The following ZBTB11 variants were observed in gnomAD, a reference collection of about 807,000 sequenced individuals.
ZBTB11 encodes the protein zinc finger and BTB domain-containing protein 11.
In ZBTB11, 68 loss-of-function variants were observed where a neutral mutation model predicts 113.1. The observed-to-expected ratio is 0.60, with a 90% confidence interval of 0.49 to 0.74. The LOEUF is 0.74. Among genes scored for constraint, ZBTB11 ranks in the 30% least tolerant of loss-of-function variants. The pLI is 0.00. For synonymous variants in ZBTB11, 518 were observed against 452.6 expected, an observed-to-expected ratio of 1.14 and a Z score of -1.83; for missense variants, 1,104 against 1,279.4, an observed-to-expected ratio of 0.86 and a Z score of 2.09.
chr3:101,674,688 C>G (rs1239861109), intron 1 of ZBTB11, among the ~76,000 whole-genome samples: 1 of 150,342 alleles, frequency 6.7e-6, no homozygotes, highest in Non-Finnish European at 1.5e-5. Flanking sequence ...AACAGAGTGA[C>G]TCTGTCTCAA....
At chr3:101,671,884 C>G (rs773794138) in intron 2 of ZBTB11, 94 bp downstream of exon 2, 5 of 907,740 alleles carry the variant, frequency 5.5e-6, no homozygotes, top group Non-Finnish European at 9.2e-6. Flanking sequence ...ATTCAATAAG[C>G]AGTCTTAGTG....
chr3:101,676,860 C>G lies in ZBTB11; in HGVS notation c.55G>C (p.Glu19Gln), dbSNP rs1376632480. 2 of 1,608,942 alleles carry G rather than the reference C, an allele frequency of 1.2e-6. No individual in the cohort carries two copies. The highest frequency in any genetic ancestry group is 8.5e-7 in the Non-Finnish European group (1 of 1,177,822). ...CCCTCGGTGCCCGGCGCATACGGCT[C>G]GCGCTCGTTCGTCAGGTAACGCAGG... Reference protein sequence around the residue: ...AILRYLTNEREPYAPGTEGNV... With the variant: ...AILRYLTNERQPYAPGTEGNV... The change falls in exon 1 of 11, where the codon GAG (glutamate) becomes CAG (glutamine). Residue 19 changes from glutamate to glutamine, a missense_variant. By Grantham distance (29) the Glu-to-Gln change is conservative. Coordinates refer to ENST00000312938, the MANE Select transcript of ZBTB11 (RefSeq NM_014415.4).
At chr3:101,664,897 A>C (rs1469761170) in intron 4 of ZBTB11, 67 bp downstream of exon 4, 4 of 1,536,744 alleles carry the variant, frequency 2.6e-6, no homozygotes, top group Non-Finnish European at 2.6e-6. Flanking sequence ...TATAGCCATA[A>C]GTTCATCAAT....
Position 101,677,034 on chromosome 3 carries a change from G to A in ZBTB11, c.-120C>T. 3.4e-6 allele frequency: 4 copies of A among 1,184,584 alleles called. No homozygotes were observed. The highest frequency in any genetic ancestry group is 3.2e-5 in the South Asian group (2 of 62,314). 73.4% of individuals were successfully genotyped at this position (1,184,584 alleles called of 1,614,324 possible). ...AGGGAGAAACGGCTGCGCCTTTGGC[G>A]AGCGCTCTTCGACGGCTCCCTTAGT... On this transcript the variant is annotated 5_prime_UTR_variant, in exon 1 of 11. Transcript: ENST00000312938.
At chr3:101,664,907 T>C in intron 4 of ZBTB11, 57 bp downstream of exon 4, 2 of 1,551,488 alleles carry the variant, frequency 1.3e-6, no homozygotes, top group South Asian at 1.3e-5. Flanking sequence ...AGTTCATCAA[T>C]ACAATGCTTT....
At position 101,677,014 on chromosome 3, in the gene ZBTB11, G is replaced by T; in HGVS notation, c.-100C>A. Reference sequence around the variant, plus strand: ...AGGAGGAGCGGCGGCACCGTAGGGAGAAACGGCTGCGCCTTTGGCGAGCGC... The same window carrying T: ...AGGAGGAGCGGCGGCACCGTAGGGATAAACGGCTGCGCCTTTGGCGAGCGC... On this transcript the variant is annotated 5_prime_UTR_variant, in exon 1 of 11. Coordinates refer to ENST00000312938, the MANE Select transcript of ZBTB11 (RefSeq NM_014415.4). 1 of 1,333,908 alleles carries T rather than the reference G, an allele frequency of 7.5e-7. No individual in the cohort carries two copies. The highest frequency in any genetic ancestry group is 1.0e-6 in the Non-Finnish European group (1 of 998,872). 82.6% of individuals were successfully genotyped at this position (1,333,908 alleles called of 1,614,324 possible). A position where few individuals can be genotyped will look rare whatever the true frequency, so the allele number is the denominator to read the frequency against.
In ZBTB11 at chr3:101,676,807, A is replaced by G. The variant is rs1468875105; in HGVS notation, c.108T>C (p.Ala36=). The G allele has an allele frequency of 1.2e-6, 2 of 1,612,364 alleles. No individual in the cohort carries two copies. Among genetic ancestry groups the G allele is most frequent in the Non-Finnish European group, 1.7e-6 (2 of 1,179,652 alleles). The change falls in exon 1 of 11, where the codon GCT becomes GCC. Residue 36 remains alanine, a synonymous_variant. Coordinates refer to ENST00000312938, the MANE Select transcript of ZBTB11 (RefSeq NM_014415.4). ...CGCCGCGCACCACGTAGCAGGCGGC[A>G]GCTTTTCGGATTTTACGCTTGACAT... ...EGNVKRKIRK[A]AACYVVRGGT...
chr3:101,655,097 C>T (rs933388378), intron 7 of ZBTB11, among the ~76,000 whole-genome samples: 4 of 152,066 alleles, frequency 2.6e-5, no homozygotes, highest in East Asian at 1.9e-4. Context: ...AGGAGCGTCT[C>T]GATGTCATGA....
At position 101,651,341 on chromosome 3, in the gene ZBTB11, A is replaced by C; in HGVS notation, c.2987T>G (p.Leu996Arg). 1 of 1,614,084 alleles carries C rather than the reference A, an allele frequency of 6.2e-7. No individual in the cohort carries two copies. The highest frequency in any genetic ancestry group is 1.1e-5 in the South Asian group (1 of 91,046). The change falls in exon 11 of 11, where the codon CTG becomes CGG. Residue 996 changes from leucine (L) to arginine (R), a missense_variant. Physicochemically the swap from Leu to Arg is moderately radical, Grantham distance 102. Around this residue, in one of 5 missense-constraint regions of ZBTB11, gnomAD observed 90 missense variants for 98.0 expected, o/e 0.92. Coordinates refer to ENST00000312938, the MANE Select transcript of ZBTB11 (RefSeq NM_014415.4). ...CTCTTCAGTAGCTGCAACAGCTTCC[A>C]GAGCTTCCATAGTTTCTCCTGTCAC... is the stretch of plus-strand genomic sequence containing the variant. Reference protein sequence around the residue: ...VVVTGETMEALEAVAATEEYP... With the variant: ...VVVTGETMEAREAVAATEEYP...
chr3:101,671,823 A>C, intron 2 of ZBTB11, 155 bp downstream of exon 2: 1 of 635,098 alleles, frequency 1.6e-6, no homozygotes. Flanking sequence ...ATTTATGATA[A>C]ATGAAGAGGC....
chr3:101,656,808 T>C (rs978458858), intron 6 of ZBTB11, among the ~76,000 whole-genome samples: 8 of 152,076 alleles, frequency 5.3e-5, no homozygotes, highest in Admixed American at 2.0e-4. Context: ...TAGTGCCACA[T>C]GGGAAGACCA....
At chr3:101,657,348 T>C (rs1936816653) in intron 6 of ZBTB11, among the ~76,000 whole-genome samples, 1 of 149,390 alleles carries the variant, frequency 6.7e-6, no homozygotes, top group Admixed American at 6.7e-5. Context: ...TCTACTAAAA[T>C]ACAAAAAATT....
rs201663165 is a variant in ZBTB11, at chr3:101,665,037, T to C, written c.1550A>G (p.Tyr517Cys). Reference sequence around the variant, plus strand: ...CTCCATTCCCTTGTGTAGTCGAATATATGCCCCTTCATTAACAGAACGTTG... The same window carrying C: ...CTCCATTCCCTTGTGTAGTCGAATACATGCCCCTTCATTAACAGAACGTTG... ...LRQRSVNEGA[Y>C]IRLHKGMEKK... The change falls in exon 4 of 11, where the codon TAT becomes TGT. Residue 517 changes from tyrosine to cysteine, a missense_variant. Around this residue, in one of 5 missense-constraint regions of ZBTB11, gnomAD observed 535 missense variants for 518.6 expected, o/e 1.03. Transcript: ENST00000312938. 6 of 1,614,236 alleles carry C rather than the reference T, an allele frequency of 3.7e-6. No individual in the cohort carries two copies. The highest frequency in any genetic ancestry group is 1.7e-5 in the Admixed American group (1 of 60,030).
intron 2 of ZBTB11, chr3:101,671,590 C>T (rs2108327500): frequency 1.7e-6 from 1 of 583,030 alleles, no homozygotes; most frequent in Non-Finnish European, 3.0e-6. Context: ...CTGGCTGCCT[C>T]TTCTTACTAA....
In ZBTB11 at chr3:101,659,952, G is replaced by A. The variant is rs372525047; in HGVS notation, c.1877C>T (p.Ser626Phe). The change falls in exon 6 of 11, where the codon TCT becomes TTT. Residue 626 changes from serine to phenylalanine, a missense_variant. This residue lies in a region of ZBTB11 where 535 missense variants were observed against 518.6 expected (regional missense o/e 1.03). Coordinates refer to ENST00000312938, the MANE Select transcript of ZBTB11 (RefSeq NM_014415.4). ...LIRHTRKDAP[S>F]SSSSNSTSNE... ...AGACGTGGAATTGGACGAGGATGAA[G>A]AGGGTGCATCTTTTCTGGTATGACG... 6.2e-7 allele frequency: 1 copy of A among 1,614,212 alleles called. No individual in the cohort carries two copies. The highest frequency in any genetic ancestry group is 1.1e-5 in the South Asian group (1 of 91,084).
Position 101,652,664 on chromosome 3 carries a change from T to A in ZBTB11, c.2476A>T (p.Ile826Leu). ...HSVTEPYRCN[I>L]CGKEFYEKAL... Reference sequence around the variant, plus strand: ...TTTTCATAAAATTCTTTGCCACATATATTACACCTAAAATAGGGGAAAAGA... The same window carrying A: ...TTTTCATAAAATTCTTTGCCACATAAATTACACCTAAAATAGGGGAAAAGA... The change falls in exon 10 of 11, where the codon ATA becomes TTA. Residue 826 changes from isoleucine (I) to leucine (L), a missense_variant. Ile to Leu is a conservative substitution (Grantham distance 5). Transcript: ENST00000312938. The A allele has an allele frequency of 6.2e-7, 1 of 1,613,586 alleles. No individual in the cohort carries two copies. Among genetic ancestry groups the A allele is most frequent in the Non-Finnish European group, 8.5e-7 (1 of 1,179,924 alleles).
In ZBTB11 at chr3:101,671,970, C is replaced by A; in HGVS notation, c.546+8G>T. The A allele has an allele frequency of 6.2e-7, 1 of 1,605,902 alleles. No individual in the cohort carries two copies. Among genetic ancestry groups the A allele is most frequent in the South Asian group, 1.1e-5 (1 of 90,874 alleles). On this transcript the variant is annotated splice_region_variant and intron_variant, in intron 2 of 10. Transcript: ENST00000312938. ...AAATCTTAAAGCTGACTGGAGAGTA[C>A]CACTTACAAACACAAGTTCATGTTT...
chr3:101,650,139 G>C lies in ZBTB11; in HGVS notation c.*1027C>G, dbSNP rs1007427364. 6 of 152,276 alleles carry C rather than the reference G, an allele frequency of 3.9e-5. No individual in the cohort carries two copies. The highest frequency in any genetic ancestry group is 3.3e-4 in the Admixed American group (5 of 15,302). The allele number at this position is 152,276 out of a possible 1,614,324, so 9.4% of individuals were successfully genotyped here. A position where few individuals can be genotyped will look rare whatever the true frequency, so the allele number is the denominator to read the frequency against. ...AGTATGATACTATGAGGGCTGCACTGAATAATTTTCAACATTCTGAAATTA... is the reference window on the plus strand; with the variant it reads ...AGTATGATACTATGAGGGCTGCACTCAATAATTTTCAACATTCTGAAATTA... On this transcript the variant is annotated 3_prime_UTR_variant, in exon 11 of 11. Coordinates refer to ENST00000312938, the MANE Select transcript of ZBTB11 (RefSeq NM_014415.4).
chr3:101,657,576 C>T (rs1003354583), intron 6 of ZBTB11, among the ~76,000 whole-genome samples: 2 of 151,310 alleles, frequency 1.3e-5, no homozygotes, highest in Non-Finnish European at 2.9e-5. Context: ...TAACAGTATA[C>T]ATAAAACACA....
Sources: allele counts gnomAD v4.1 joint callset (sites outside exome capture counted in the v4.1 genomes callset), GRCh38; gene constraint gnomAD v4.1.1; regional missense constraint gnomAD v4.1.1; transcripts MANE v1.5; gene names NCBI Gene and HGNC (gene_info 2026-07-23, HGNC 2026-07-21).